GALNT10: variants seen among roughly 807,000 people sequenced by gnomAD.
GALNT10 encodes the protein polypeptide N-acetylgalactosaminyltransferase 10.
A neutral mutation model predicts 75.0 loss-of-function variants in GALNT10; 41 were observed. The observed-to-expected ratio is 0.55, with a 90% CI of 0.43 to 0.71. The LOEUF is 0.71. Among genes scored for constraint, GALNT10 ranks in the 30% least tolerant of loss-of-function variants. The pLI is 0.00. For missense variants in GALNT10, 727 were observed against 818.5 expected (o/e 0.89, Z 1.36); for synonymous variants, 302 against 313.0 (o/e 0.96, Z 0.37).
intron 1 of GALNT10, among the ~76,000 whole-genome samples, chr5:154,248,337 G>A (rs1404046132): frequency 6.6e-5 from 10 of 152,338 alleles, no homozygotes; most frequent in African/African-American, 2.4e-4. Context: ...AAATGAGTTA[G>A]GGAGGATTCC....
intron 1 of GALNT10, among the ~76,000 whole-genome samples, chr5:154,194,474 A>G (rs1774905257): frequency 6.6e-6 from 1 of 152,138 alleles, no homozygotes; most frequent in Non-Finnish European, 1.5e-5. Flanking sequence ...CCACTAGGGA[A>G]GGGTTGTTGA....
intron 1 of GALNT10, among the ~76,000 whole-genome samples, chr5:154,196,346 A>G (rs1337094985): frequency 3.3e-5 from 5 of 152,264 alleles, no homozygotes; most frequent in Non-Finnish European, 5.9e-5. Flanking sequence ...ACAGACAGAG[A>G]GAACTTGAGC....
chr5:154,294,981 T>C, intron 2 of GALNT10, 63 bp downstream of exon 2: 1 of 340,982 alleles, frequency 2.9e-6, no homozygotes, highest in Non-Finnish European at 5.7e-6. Flanking sequence ...TATGCTTGTG[T>C]GTGTGTGTGT....
At chr5:154,294,566 A>T (rs1754246047) in intron 1 of GALNT10, among the ~76,000 whole-genome samples, 1 of 152,128 alleles carries the variant, frequency 6.6e-6, no homozygotes, top group East Asian at 1.9e-4. Flanking sequence ...GAGTGTGTTC[A>T]TCTTTTTTCT....
intron 8 of GALNT10, among the ~76,000 whole-genome samples, chr5:154,405,174 G>C (rs903802826): frequency 6.6e-6 from 1 of 152,172 alleles, no homozygotes; most frequent in Non-Finnish European, 1.5e-5. Flanking sequence ...ACTGCCTCCT[G>C]TCCAGGGCGC....
rs1176354782 is a variant in GALNT10, at chr5:154,380,602, G to T, written c.909G>T (p.Leu303=). 9 of 1,612,944 alleles carry T rather than the reference G, an allele frequency of 5.6e-6. No individual in the cohort carries two copies. ...YYKRIPIPPE[L]QKADPSDPFE... ...AGCGGATCCCGATCCCTCCAGAACT[G>T]CAGAAAGCTGACCCCAGCGACCCAT... The change falls in exon 6 of 12, where the codon CTG becomes CTT. Residue 303 remains leucine, a synonymous_variant. Coordinates refer to ENST00000297107, the MANE Select transcript of GALNT10 (RefSeq NM_198321.4).
At chr5:154,214,624 G>C (rs897416587) in intron 1 of GALNT10, among the ~76,000 whole-genome samples, 3 of 152,234 alleles carry the variant, frequency 2.0e-5, no homozygotes, top group African/African-American at 7.2e-5. Context: ...GCACAACTCA[G>C]TATATTCATT....
At chr5:154,347,114 G>T in intron 4 of GALNT10, 1 of 511,078 alleles carries the variant, frequency 2.0e-6, no homozygotes, top group Non-Finnish European at 4.0e-6. Flanking sequence ...AACACCTAAT[G>T]TGTGCCAAGA....
chr5:154,292,029 T>C (rs995914199), intron 1 of GALNT10, among the ~76,000 whole-genome samples: 5 of 152,128 alleles, frequency 3.3e-5, no homozygotes, highest in Non-Finnish European at 7.4e-5. Flanking sequence ...ATTTTCACAC[T>C]AGAATTAAGA....
intron 3 of GALNT10, among the ~76,000 whole-genome samples, chr5:154,299,749 G>A (rs940087443): frequency 1.3e-5 from 2 of 152,236 alleles, no homozygotes; most frequent in South Asian, 4.2e-4. Flanking sequence ...ATGCCTGACA[G>A]CGAGGGAACA....
At chr5:154,282,451 C>G (rs1754053773) in intron 1 of GALNT10, among the ~76,000 whole-genome samples, 1 of 152,152 alleles carries the variant, frequency 6.6e-6, no homozygotes. Context: ...CATCTTTATT[C>G]TGAGCAATCA....
intron 4 of GALNT10, among the ~76,000 whole-genome samples, chr5:154,373,685 T>G (rs1238976318): frequency 6.6e-6 from 1 of 152,180 alleles, no homozygotes; most frequent in East Asian, 1.9e-4. Context: ...TATGCCTTTA[T>G]GAAATGTCCT....
Position 154,376,206 on chromosome 5 carries a change from T to G in GALNT10, c.569-71T>G. 2 of 954,268 alleles carry G rather than the reference T, an allele frequency of 2.1e-6. No individual in the cohort carries two copies. The highest frequency in any genetic ancestry group is 3.3e-6 in the Non-Finnish European group (2 of 597,436). The allele number at this position is 954,268 out of a possible 1,614,324, so 59.1% of individuals were successfully genotyped here. On this transcript the variant is annotated intron_variant, in intron 4 of 11. Coordinates refer to ENST00000297107, the MANE Select transcript of GALNT10 (RefSeq NM_198321.4). The surrounding 1 kb of genome is among the most constrained non-coding windows in gnomAD (Gnocchi z 4.1). ...TCTAGACTGTGAAGTGCAGTTCACA[T>G]GTAAGGGAGGAGTCATAAGGATGAC...
chr5:154,193,050 A>G (rs1774883873), intron 1 of GALNT10, among the ~76,000 whole-genome samples: 1 of 151,730 alleles, frequency 6.6e-6, no homozygotes, highest in Non-Finnish European at 1.5e-5. Flanking sequence ...AGAGCCCCTA[A>G]CTGAAATGGA....
chr5:154,232,324 G>T (rs1335105191), intron 1 of GALNT10, among the ~76,000 whole-genome samples: 4 of 152,152 alleles, frequency 2.6e-5, no homozygotes, highest in Non-Finnish European at 5.9e-5. Context: ...GTTATTATGA[G>T]TAAGATACTG....
At chr5:154,221,100 A>G (rs867512128) in intron 1 of GALNT10, among the ~76,000 whole-genome samples, 2 of 152,316 alleles carry the variant, frequency 1.3e-5, no homozygotes, top group Middle Eastern at 3.4e-3. Context: ...TGAAATAGGT[A>G]GGGATTTTCC....
At chr5:154,289,521 G>A (rs1754160087) in intron 1 of GALNT10, among the ~76,000 whole-genome samples, 1 of 152,174 alleles carries the variant, frequency 6.6e-6, no homozygotes, top group African/African-American at 2.4e-5. Context: ...CTATTCCAGG[G>A]AGAGAACTGC....
At chr5:154,242,234 C>A (rs2113668729) in intron 1 of GALNT10, among the ~76,000 whole-genome samples, 1 of 152,262 alleles carries the variant, frequency 6.6e-6, no homozygotes, top group East Asian at 1.9e-4. Flanking sequence ...TAATAAAGCA[C>A]TATTTTTTTA....
intron 1 of GALNT10, among the ~76,000 whole-genome samples, chr5:154,203,307 A>G (rs1268893235): frequency 6.6e-6 from 1 of 152,144 alleles, no homozygotes; most frequent in Non-Finnish European, 1.5e-5. Flanking sequence ...CTTAGCAAAT[A>G]TGATGAGAAA....
Sources: allele counts gnomAD v4.1 joint callset (sites outside exome capture counted in the v4.1 genomes callset), GRCh38; gene constraint gnomAD v4.1.1; non-coding constraint Gnocchi (gnomAD v3.1); transcripts MANE v1.5; gene names NCBI Gene and HGNC (gene_info 2026-07-23, HGNC 2026-07-21).